Variants in QTMAN observed in about 807,000 individuals in gnomAD.
QTMAN encodes the protein queuosine-tRNA mannosyltransferase, also known as tRNA-queuosine alpha-mannosyltransferase.
the QTMAN span, among the ~76,000 whole-genome samples, chr2:143,958,306 A>G: frequency 6.6e-6 from 1 of 152,130 alleles, no homozygotes; most frequent in Non-Finnish European, 1.5e-5. Flanking sequence ...TAAATCCAAG[A>G]AAAGCTAACA....
chr2:144,325,517 A>G, the QTMAN span, among the ~76,000 whole-genome samples: 1 of 133,930 alleles, frequency 7.5e-6, no homozygotes, highest in Non-Finnish European at 1.7e-5. Context: ...AGAAAAAAGG[A>G]AAAAAAAAAA....
the QTMAN span, among the ~76,000 whole-genome samples, chr2:144,214,047 T>C: frequency 6.6e-6 from 1 of 152,158 alleles, no homozygotes; most frequent in Admixed American, 6.6e-5. Flanking sequence ...CCCCAAGTTG[T>C]TAAAATATAC....
the QTMAN span, among the ~76,000 whole-genome samples, chr2:144,058,779 G>A: frequency 6.6e-6 from 1 of 152,022 alleles, no homozygotes; most frequent in African/African-American, 2.4e-5. Context: ...CTGTTGAATG[G>A]TACCATCTGT....
At chr2:144,094,367 T>C in the QTMAN span, among the ~76,000 whole-genome samples, 2 of 152,140 alleles carry the variant, frequency 1.3e-5, no homozygotes, top group Non-Finnish European at 2.9e-5. Context: ...ACTAAGCAAA[T>C]ATATTTGTCA....
the QTMAN span, among the ~76,000 whole-genome samples, chr2:144,248,705 G>A: frequency 1.3e-5 from 2 of 151,540 alleles, no homozygotes; most frequent in African/African-American, 4.9e-5. Context: ...CCCCTAAAAT[G>A]AGGAAATTCC....
At chr2:143,993,611 G>A in the QTMAN span, among the ~76,000 whole-genome samples, 2 of 152,184 alleles carry the variant, frequency 1.3e-5, no homozygotes, top group African/African-American at 2.4e-5. Flanking sequence ...ACTGCAGATT[G>A]ATTGGTGGCA....
the QTMAN span, among the ~76,000 whole-genome samples, chr2:143,969,073 C>T: frequency 6.7e-6 from 1 of 149,390 alleles, no homozygotes; most frequent in Non-Finnish European, 1.5e-5. Context: ...AACTTACTTA[C>T]TAAGTCTGCA....
chr2:144,158,340 C>T, the QTMAN span, among the ~76,000 whole-genome samples: 25 of 151,940 alleles, frequency 1.6e-4, no homozygotes, highest in East Asian at 4.6e-3. Context: ...TCAAAGTACC[C>T]AAAATGATTT....
the QTMAN span, among the ~76,000 whole-genome samples, chr2:144,319,258 T>G: frequency 6.6e-6 from 1 of 152,124 alleles, no homozygotes; most frequent in Non-Finnish European, 1.5e-5. Flanking sequence ...AGAAACATTT[T>G]AAATACTCTA....
chr2:144,213,261 A>T, the QTMAN span, among the ~76,000 whole-genome samples: 1 of 152,178 alleles, frequency 6.6e-6, no homozygotes, highest in African/African-American at 2.4e-5. Context: ...CTAAGCCATG[A>T]TCATTTTCAA....
At chr2:144,294,918 G>A in the QTMAN span, among the ~76,000 whole-genome samples, 1 of 152,158 alleles carries the variant, frequency 6.6e-6, no homozygotes, top group Non-Finnish European at 1.5e-5. Flanking sequence ...TGGATTCCTA[G>A]TTAGGGGATT....
chr2:144,218,949 G>C, the QTMAN span, among the ~76,000 whole-genome samples: 12 of 141,284 alleles, frequency 8.5e-5, no homozygotes, highest in African/African-American at 3.1e-4. Flanking sequence ...CAAAATCCTA[G>C]CATCTCAGGA....
At chr2:143,993,424 G>C in the QTMAN span, among the ~76,000 whole-genome samples, 1 of 151,706 alleles carries the variant, frequency 6.6e-6, no homozygotes, top group South Asian at 2.1e-4. Flanking sequence ...AAGGGGGGGG[G>C]ACTTTGCAGA....
chr2:144,050,645 T>A, the QTMAN span, among the ~76,000 whole-genome samples: 2 of 152,208 alleles, frequency 1.3e-5, no homozygotes, highest in Non-Finnish European at 2.9e-5. Context: ...TTCATTCTTG[T>A]TTTAAATGAC....
chr2:143,999,385 A>T, the QTMAN span, among the ~76,000 whole-genome samples: 2 of 151,916 alleles, frequency 1.3e-5, no homozygotes, highest in South Asian at 4.1e-4. Context: ...AAAGGCAGGT[A>T]ACACCACACA....
chr2:143,986,470 C>A, the QTMAN span, among the ~76,000 whole-genome samples: 108 of 152,314 alleles, frequency 7.1e-4, no homozygotes, highest in South Asian at 4.8e-3. Flanking sequence ...TCTTCCACCA[C>A]CTTCTATGAT....
At chr2:144,208,700 A>T in the QTMAN span, 1 of 1,613,852 alleles carries the variant, frequency 6.2e-7, no homozygotes, top group Non-Finnish European at 8.5e-7. Flanking sequence ...TAAACGACAC[A>T]GTCTCCTAAC....
chr2:144,137,565 C>T, the QTMAN span, among the ~76,000 whole-genome samples: 5 of 152,068 alleles, frequency 3.3e-5, no homozygotes, highest in Non-Finnish European at 5.9e-5. Flanking sequence ...TCCGAAATTG[C>T]ATTTACAATA....
chr2:144,266,476 T>C, the QTMAN span, among the ~76,000 whole-genome samples: 1 of 152,342 alleles, frequency 6.6e-6, no homozygotes, highest in Admixed American at 6.5e-5. Flanking sequence ...TACAACAATA[T>C]CTACTTTGCA....
Sources: gnomAD v4.1 joint callset for allele counts (sites outside exome capture counted in the v4.1 genomes callset) on GRCh38, gnomAD v4.1.1 for gene constraint, MANE v1.5 for transcripts, NCBI Gene and HGNC (gene_info 2026-07-23, HGNC 2026-07-21) for gene names.